Variants in VPS13D observed in about 807,000 individuals in gnomAD.
The protein encoded by VPS13D is intermembrane lipid transfer protein VPS13D.
In VPS13D, 187 loss-of-function variants were observed where a neutral mutation model predicts 461.9. The ratio of observed to expected loss-of-function variants is 0.40; its 90% CI spans 0.36 to 0.46. The LOEUF (loss-of-function observed/expected upper bound fraction) is 0.46. Ranked by LOEUF, VPS13D falls within the 20% of genes least tolerant of loss-of-function variation. VPS13D has a pLI of 0.60. For synonymous variants in VPS13D, 1,951 were observed against 1,986.3 expected (o/e 0.98, Z 0.47); for missense variants, 4,711 against 5,364.9 (o/e 0.88, Z 3.81).
chr1:12,286,926 T>C (rs1278256526), intron 21 of VPS13D, among the ~76,000 whole-genome samples: 2 of 152,222 alleles, frequency 1.3e-5, no homozygotes, highest in Non-Finnish European at 2.9e-5. Context: ...AGTGGTGCGA[T>C]CTTGGCCCAC....
intron 65 of VPS13D, among the ~76,000 whole-genome samples, chr1:12,435,963 T>A (rs1227326821): frequency 6.6e-6 from 1 of 152,152 alleles, no homozygotes; most frequent in Non-Finnish European, 1.5e-5. Flanking sequence ...TTGCTCTAAC[T>A]CTACACATCG....
chr1:12,433,742 G>C (rs1645022982), intron 65 of VPS13D, among the ~76,000 whole-genome samples: 1 of 152,170 alleles, frequency 6.6e-6, no homozygotes, highest in African/African-American at 2.4e-5. Context: ...AACTCATCAG[G>C]CATCTGTGGA....
chr1:12,470,736 C>T (rs990897955), intron 67 of VPS13D, among the ~76,000 whole-genome samples: 1 of 152,146 alleles, frequency 6.6e-6, no homozygotes, highest in African/African-American at 2.4e-5. Context: ...GCAAGTTTCC[C>T]TATAGTTTTC....
intron 50 of VPS13D, among the ~76,000 whole-genome samples, chr1:12,360,784 G>GTT (rs1570000415): frequency 6.6e-6 from 1 of 152,144 alleles, no homozygotes; most frequent in East Asian, 1.9e-4. Flanking sequence ...TGTGTTAAAG[G>GTT]AACATCAGCA....
intron 65 of VPS13D, among the ~76,000 whole-genome samples, chr1:12,436,729 C>G (rs980022578): frequency 1.3e-5 from 2 of 152,098 alleles, no homozygotes; most frequent in Admixed American, 1.3e-4. Flanking sequence ...AGTGCAATGG[C>G]GTGATCTCGG....
At chr1:12,471,013 C>T (rs1487163380) in intron 67 of VPS13D, among the ~76,000 whole-genome samples, 1 of 152,026 alleles carries the variant, frequency 6.6e-6, no homozygotes, top group East Asian at 1.9e-4. Flanking sequence ...TTAATAAGAA[C>T]AATGGGGGCC....
rs117336938 is a variant in VPS13D at position 12,397,083 on chromosome 1, G to A, written c.11635-3098G>A. 3.0e-4 allele frequency among the ~76,000 whole-genome samples: 45 copies of A among 152,224 alleles called. 1 individual carries two copies. In the East Asian group the frequency reaches 7.5e-3, roughly 26 times the overall value. On this transcript the variant is annotated intron_variant, in intron 60 of 69. Coordinates refer to ENST00000620676, the MANE Select transcript of VPS13D (RefSeq NM_015378.4). ...CAAATAGATGGGATTACAGGTGCCC[G>A]CCACCACGCCCAGCAATTTTCGTAG... is the stretch of plus-strand genomic sequence containing the variant.
chr1:12,335,685 C>A lies in VPS13D; in HGVS notation c.8429-20C>A, dbSNP rs746382722. The A allele has an allele frequency of 2.0e-5, 32 of 1,596,826 alleles. No individual in the cohort carries two copies. Reference sequence around the variant, plus strand: ...CCATCTTTTTTAGTTCTCTTAATATCTCTGGGGGATTCTTTCTAGACCAGT... The same window carrying A: ...CCATCTTTTTTAGTTCTCTTAATATATCTGGGGGATTCTTTCTAGACCAGT... On this transcript the variant is annotated intron_variant, in intron 38 of 69. Transcript: ENST00000620676.
Position 12,363,057 on chromosome 1 carries a change from T to C in VPS13D, c.10273-15T>C. 1 of 1,613,546 alleles carries C rather than the reference T, an allele frequency of 6.2e-7. No individual in the cohort carries two copies. Among genetic ancestry groups the C allele is most frequent in the Non-Finnish European group, 8.5e-7 (1 of 1,179,638 alleles). On this transcript the variant is annotated splice_polypyrimidine_tract_variant and intron_variant, in intron 51 of 69. Coordinates refer to ENST00000620676, the MANE Select transcript of VPS13D (RefSeq NM_015378.4). ...TCGACTTGTTGACTAAAGCCTGTGA[T>C]CCTATGTGTTTTAGGGAACAGCCAA...
rs1488309301 is a variant in VPS13D, at chr1:12,277,379, C to T, written c.3791C>T (p.Ala1264Val). ...TCTGTGTTTGTCAGAATGGAAGATGCAGCCCTCACTGAAGCTTTGAGTTTC... is the reference window on the plus strand; with the variant it reads ...TCTGTGTTTGTCAGAATGGAAGATGTAGCCCTCACTGAAGCTTTGAGTTTC... Reference protein sequence around the residue: ...FESVFVRMEDAALTEALSFTF... With the variant: ...FESVFVRMEDVALTEALSFTF... Residue 1264 changes from alanine (A) to valine (V), a missense_variant, in exon 19 of 70, where the codon GCA becomes GTA. Ala to Val is a moderately conservative substitution (Grantham distance 64). Coordinates refer to ENST00000620676, the MANE Select transcript of VPS13D (RefSeq NM_015378.4). 6.2e-7 allele frequency: 1 copy of T among 1,614,078 alleles called. No homozygotes were observed. The highest frequency in any genetic ancestry group is 2.2e-5 in the East Asian group (1 of 44,894).
intron 44 of VPS13D, among the ~76,000 whole-genome samples, chr1:12,347,331 C>T (rs142180942): frequency 4.9e-3 from 739 of 152,224 alleles, no homozygotes; most frequent in African/African-American, 0.017. Flanking sequence ...CCACCACCCC[C>T]GGCTAATTTG....
rs1400164785 is a variant in VPS13D, at chr1:12,363,138, C to T, written c.10339C>T (p.Arg3447Trp). 2.5e-6 allele frequency: 4 copies of T among 1,614,070 alleles called. No individual in the cohort carries two copies. The highest frequency in any genetic ancestry group is 2.5e-6 in the Non-Finnish European group (3 of 1,180,054). The part of the protein sequence containing the change: ...PGSSVVFHWP[R>W]NDYDQLLCVR... ...TTCCAGTGTGGTGTTCCACTGGCCT[C>T]GGAATGACTATGATCAGCTATTGTG... Residue 3447 changes from arginine to tryptophan, a missense_variant, in exon 52 of 70, where the codon CGG (arginine) becomes TGG (tryptophan). Physicochemically the swap from Arg to Trp is moderately radical, Grantham distance 101 (BLOSUM62 -3). Around this residue, in one of 3 missense-constraint regions of VPS13D, gnomAD observed 4,411 missense variants for 4,937.8 expected, o/e 0.89. Coordinates refer to ENST00000620676, the MANE Select transcript of VPS13D (RefSeq NM_015378.4).
Position 12,416,800 on chromosome 1 carries a change from A to T in VPS13D, c.12306A>T (p.Thr4102=). ...TCGGGGGCCTCATCAGAAATGTTAC[A>T]CACGGAGTATCAAACTCTGCTGCCA... is the stretch of plus-strand genomic sequence containing the variant. The part of the protein sequence containing the change: ...GNVGGLIRNV[T]HGVSNSAAKF... The change falls in exon 65 of 70, where the codon ACA becomes ACT. Residue 4102 remains threonine, a synonymous_variant. Coordinates refer to ENST00000620676, the MANE Select transcript of VPS13D (RefSeq NM_015378.4). The T allele has an allele frequency of 6.2e-7, 1 of 1,613,094 alleles. No individual in the cohort carries two copies. The highest frequency in any genetic ancestry group is 8.5e-7 in the Non-Finnish European group (1 of 1,179,762).
chr1:12,449,568 A>G (rs1200031542), intron 65 of VPS13D, among the ~76,000 whole-genome samples: 2 of 152,186 alleles, frequency 1.3e-5, no homozygotes, highest in East Asian at 3.9e-4. Flanking sequence ...GTTCTTCAAC[A>G]TCAAGGCAAA....
chr1:12,395,912 T>C (rs553052795), intron 60 of VPS13D, among the ~76,000 whole-genome samples: 11 of 149,154 alleles, frequency 7.4e-5, no homozygotes, highest in African/African-American at 2.5e-4. Context: ...AACTCCATCC[T>C]TAATATTCTG....
intron 65 of VPS13D, among the ~76,000 whole-genome samples, chr1:12,444,814 A>G (rs549337854): frequency 8.5e-5 from 13 of 152,208 alleles, no homozygotes; most frequent in Admixed American, 3.3e-4. Context: ...GGAAATTTTA[A>G]TTGAATTCCT....
intron 65 of VPS13D, among the ~76,000 whole-genome samples, chr1:12,426,907 G>A (rs1031085693): frequency 1.3e-5 from 2 of 152,028 alleles, no homozygotes; most frequent in African/African-American, 4.8e-5. Context: ...CCAGCTACTC[G>A]GGAGGCTGAG....
At chr1:12,508,431 C>T (rs1004274682) in intron 69 of VPS13D, among the ~76,000 whole-genome samples, 1 of 151,336 alleles carries the variant, frequency 6.6e-6, no homozygotes, top group Non-Finnish European at 1.5e-5. Context: ...ACCGGCTGGG[C>T]GCAGTGGCTC....
chr1:12,343,512 G>A (rs1162364138), intron 42 of VPS13D, among the ~76,000 whole-genome samples: 3 of 151,494 alleles, frequency 2.0e-5, no homozygotes, highest in South Asian at 2.1e-4. Context: ...AAGATATTTC[G>A]TAAATCAGTG....
Sources: gnomAD v4.1 joint callset for allele counts (sites outside exome capture counted in the v4.1 genomes callset) on GRCh38, gnomAD v4.1.1 for gene constraint, gnomAD v4.1.1 regional missense constraint, MANE v1.5 for transcripts, NCBI Gene and HGNC (gene_info 2026-07-23, HGNC 2026-07-21) for gene names.